The following BICRAL variants were observed in gnomAD, a reference collection of about 807,000 sequenced individuals.
The protein encoded by BICRAL is BICRA like chromatin remodeling complex associated protein.
A neutral mutation model predicts 91.8 loss-of-function variants in BICRAL; 8 were observed. The observed-to-expected ratio is 0.09, with a 90% CI of 0.05 to 0.16. The LOEUF (loss-of-function observed/expected upper bound fraction) is 0.16, where lower values mean the gene tolerates loss of function less well. BICRAL is among the 10% of genes least tolerant of loss of function. BICRAL has a pLI of 1.00. For synonymous variants in BICRAL, 445 were observed against 491.1 expected (o/e 0.91, Z 1.24); for missense variants, 1,038 against 1,310.9 (o/e 0.79, Z 3.21).
chr6:42,822,001 C>G lies in BICRAL; in HGVS notation c.-5-17C>G. On this transcript the variant is annotated splice_polypyrimidine_tract_variant and intron_variant, in intron 2 of 12. Transcript: ENST00000314073. Reference sequence around the variant, plus strand: ...CTGCTTTACTGAAACCTGTTTTCCTCTCCCTTTTCTTTATAGTTGTCATGG... The same window carrying G: ...CTGCTTTACTGAAACCTGTTTTCCTGTCCCTTTTCTTTATAGTTGTCATGG... 6.3e-7 allele frequency: 1 copy of G among 1,578,058 alleles called. No individual in the cohort carries two copies. The highest frequency in any genetic ancestry group is 1.1e-5 in the South Asian group (1 of 90,054).
intron 5 of BICRAL, among the ~76,000 whole-genome samples, chr6:42,827,786 G>A (rs972694548): frequency 6.6e-6 from 1 of 152,150 alleles, no homozygotes; most frequent in Non-Finnish European, 1.5e-5. Flanking sequence ...TCAGGAGGCC[G>A]AGATGGGAGG....
chr6:42,804,055 T>C (rs1582831152), intron 1 of BICRAL, among the ~76,000 whole-genome samples: 1 of 152,200 alleles, frequency 6.6e-6, no homozygotes, highest in Admixed American at 6.6e-5. Context: ...GGAGTTTCGC[T>C]CTTGTTGCCC....
intron 6 of BICRAL, among the ~76,000 whole-genome samples, chr6:42,848,661 T>G (rs978636155): frequency 6.6e-6 from 1 of 152,046 alleles, no homozygotes; most frequent in African/African-American, 2.4e-5. Flanking sequence ...CTGGGCAACA[T>G]GGTAAAAGCC....
chr6:42,829,835 T>G lies in BICRAL; in HGVS notation c.1502T>G (p.Leu501Trp), dbSNP rs1188472354. 1 of 1,614,166 alleles carries G rather than the reference T, an allele frequency of 6.2e-7. No individual in the cohort carries two copies. The highest frequency in any genetic ancestry group is 8.5e-7 in the Non-Finnish European group (1 of 1,180,008). The change falls in exon 6 of 13, where the codon TTG becomes TGG. Residue 501 changes from leucine (L) to tryptophan (W), a missense_variant. By Grantham distance (61) the Leu-to-Trp change is moderately conservative. Transcript: ENST00000314073. ...CAGCTTGTGGGTGGACAGATGCCCTTGCAGCAGGCATCCCCAACTGTATTA... is the reference window on the plus strand; with the variant it reads ...CAGCTTGTGGGTGGACAGATGCCCTGGCAGCAGGCATCCCCAACTGTATTA... ...SPQLVGGQMP[L>W]QQASPTVLHL...
At chr6:42,786,273 A>G (rs756950081) in intron 1 of BICRAL, among the ~76,000 whole-genome samples, 4 of 152,218 alleles carry the variant, frequency 2.6e-5, no homozygotes, top group Non-Finnish European at 4.4e-5. Flanking sequence ...CCATCTTTGC[A>G]TATGTCCACA....
At chr6:42,841,242 G>T (rs1764789292) in intron 6 of BICRAL, among the ~76,000 whole-genome samples, 2 of 137,902 alleles carry the variant, frequency 1.5e-5, no homozygotes, top group Non-Finnish European at 3.1e-5. Context: ...AGGCTGGAGT[G>T]CAGTGGCACG....
At chr6:42,790,330 ATTTTTTT>A (rs70990136) in intron 1 of BICRAL, among the ~76,000 whole-genome samples, 5,734 of 88,012 alleles carry the variant, frequency 0.065, 94 homozygotes, top group Non-Finnish European at 0.088. Context: ...AGATAATTTA[ATTTTTTT>A]TTTTTTTTTT....
At chr6:42,750,784 G>C (rs887489751) in intron 1 of BICRAL, among the ~76,000 whole-genome samples, 7 of 150,560 alleles carry the variant, frequency 4.6e-5, no homozygotes, top group Non-Finnish European at 8.9e-5. Flanking sequence ...ACCATGTTGG[G>C]CCAGGCTGGT....
At chr6:42,761,212 T>G (rs1183924667) in intron 1 of BICRAL, among the ~76,000 whole-genome samples, 2 of 152,158 alleles carry the variant, frequency 1.3e-5, no homozygotes. Flanking sequence ...CCCAGCAGTT[T>G]GGGAGGCTGA....
At chr6:42,795,889 T>C (rs1763402773) in intron 1 of BICRAL, among the ~76,000 whole-genome samples, 2 of 152,184 alleles carry the variant, frequency 1.3e-5, no homozygotes, top group African/African-American at 4.8e-5. Flanking sequence ...AATGCTAAAT[T>C]GGTGTAAAGC....
intron 1 of BICRAL, among the ~76,000 whole-genome samples, chr6:42,765,305 G>A (rs1249637475): frequency 4.6e-5 from 7 of 152,210 alleles, no homozygotes; most frequent in African/African-American, 7.2e-5. Context: ...ATGTGAATGC[G>A]TAACAGGGCT....
chr6:42,749,318 C>T (rs575234682), intron 1 of BICRAL, among the ~76,000 whole-genome samples: 238 of 152,172 alleles, frequency 1.6e-3, no homozygotes, highest in Non-Finnish European at 3.0e-3. Context: ...TGTTCTCACT[C>T]GTATGTGGGA....
At chr6:42,854,754 C>T (rs543659427) in intron 8 of BICRAL, among the ~76,000 whole-genome samples, 3 of 152,124 alleles carry the variant, frequency 2.0e-5, no homozygotes, top group Non-Finnish European at 2.9e-5. Flanking sequence ...CTCCTGGGCT[C>T]AAGCAATTCT....
chr6:42,840,483 C>T (rs943406320), intron 6 of BICRAL, among the ~76,000 whole-genome samples: 4 of 151,668 alleles, frequency 2.6e-5, no homozygotes, highest in Non-Finnish European at 5.9e-5. Context: ...CCTCGTGATC[C>T]GCCTGCCTCG....
rs140913648 is a variant in BICRAL at position 42,812,249 on chromosome 6, A to G, written c.-6+1848A>G. On this transcript the variant is annotated intron_variant, in intron 2 of 12. Coordinates refer to ENST00000314073, the MANE Select transcript of BICRAL (RefSeq NM_001393499.1). ...CGGAGGTGGCGGATTGCTTGAGGCC[A>G]GGAGTATGAGACCAGCCTGGGCAAC... Among the ~76,000 whole-genome samples the G allele has an allele frequency of 2.6e-4, 39 of 152,268 alleles. No individual in the cohort carries two copies. In the East Asian group the frequency reaches 7.1e-3, roughly 28 times the overall value.
intron 4 of BICRAL, 37 bp downstream of exon 4, chr6:42,822,881 GT>G: frequency 2.0e-6 from 3 of 1,525,514 alleles, no homozygotes; most frequent in Non-Finnish European, 2.7e-6. Context: ...CATCTATTTT[GT>G]TTCTGCTTTA....
chr6:42,855,436 G>A (rs1406396093), intron 8 of BICRAL, among the ~76,000 whole-genome samples: 1 of 152,128 alleles, frequency 6.6e-6, no homozygotes, highest in Non-Finnish European at 1.5e-5. Flanking sequence ...CAGCTACCTG[G>A]GAGGCTGAGG....
chr6:42,800,382 T>TC (rs1023342857), intron 1 of BICRAL, among the ~76,000 whole-genome samples: 1 of 152,120 alleles, frequency 6.6e-6, no homozygotes, highest in Non-Finnish European at 1.5e-5. Context: ...CAGGCTGGTC[T>TC]CCAACTCCTG....
At chr6:42,767,437 C>G (rs1041597782) in intron 1 of BICRAL, among the ~76,000 whole-genome samples, 2 of 152,160 alleles carry the variant, frequency 1.3e-5, no homozygotes, top group African/African-American at 4.8e-5. Flanking sequence ...TGTCTCAGCT[C>G]TGCAAACACA....
Sources: gnomAD v4.1 joint callset for allele counts (sites outside exome capture counted in the v4.1 genomes callset) on GRCh38, gnomAD v4.1.1 for gene constraint, MANE v1.5 for transcripts, NCBI Gene and HGNC (gene_info 2026-07-23, HGNC 2026-07-21) for gene names.